GLG1: variants seen among roughly 807,000 people sequenced by gnomAD.
GLG1 encodes Golgi apparatus protein 1.
Under a neutral mutation model 160.5 loss-of-function variants are expected in GLG1, and 38 were observed. The observed-to-expected ratio is 0.24, with a 90% CI of 0.18 to 0.31. The LOEUF (loss-of-function observed/expected upper bound fraction) is 0.31, where lower values mean the gene tolerates loss of function less well. Among genes scored for constraint, GLG1 ranks in the 10% least tolerant of loss-of-function variants. The pLI is 1.00. For synonymous variants in GLG1, 644 were observed against 543.4 expected (o/e 1.19, Z -2.57); for missense variants, 1,373 against 1,505.2 (o/e 0.91, Z 1.45).
At chr16:74,581,708 C>T (rs1957941505) in intron 1 of GLG1, among the ~76,000 whole-genome samples, 3 of 151,838 alleles carry the variant, frequency 2.0e-5, no homozygotes, top group Admixed American at 2.0e-4. Context: ...GTCAGGAGTT[C>T]GAGACCAGCC....
intron 19 of GLG1, 126 bp from the exon 20 acceptor site, chr16:74,463,605 T>C (rs2014886117): frequency 2.3e-6 from 2 of 874,868 alleles, no homozygotes; most frequent in Non-Finnish European, 3.6e-6. Flanking sequence ...AGTGGCGCAA[T>C]TCGGCTTACT....
intron 1 of GLG1, among the ~76,000 whole-genome samples, chr16:74,603,105 C>T (rs1958481196): frequency 6.6e-6 from 1 of 151,168 alleles, no homozygotes; most frequent in Non-Finnish European, 1.5e-5. Context: ...ACAACAACAA[C>T]AACAACAGCA....
At chr16:74,477,651 TTATA>T in intron 11 of GLG1, 118 bp from the exon 12 acceptor site, 3 of 714,032 alleles carry the variant, frequency 4.2e-6, no homozygotes, top group African/African-American at 1.8e-5. Flanking sequence ...CTCCCAAATT[TTATA>T]CCTCAAATAT....
At chr16:74,586,468 G>A (rs1958055467) in intron 1 of GLG1, among the ~76,000 whole-genome samples, 1 of 151,872 alleles carries the variant, frequency 6.6e-6, no homozygotes, top group East Asian at 1.9e-4. Flanking sequence ...TTTCCATTGG[G>A]CAATGGAAAG....
At chr16:74,494,723 CAAAT>C (rs766431837) in intron 6 of GLG1, 33 bp downstream of exon 6, 70 of 981,836 alleles carry the variant, frequency 7.1e-5, no homozygotes, top group South Asian at 1.1e-4. Context: ...TTTTAAAAAA[CAAAT>C]AAAACATTCA....
chr16:74,505,556 C>T (rs560130099), intron 3 of GLG1, among the ~76,000 whole-genome samples: 4 of 152,120 alleles, frequency 2.6e-5, no homozygotes, highest in African/African-American at 9.6e-5. Context: ...CCCATCTCTA[C>T]TAAAAATACA....
intron 25 of GLG1, 145 bp downstream of exon 25, chr16:74,456,504 G>C: frequency 1.5e-6 from 1 of 654,930 alleles, no homozygotes; most frequent in Non-Finnish European, 2.7e-6. Context: ...TCACAATAAG[G>C]ACAAGACCAG....
intron 1 of GLG1, among the ~76,000 whole-genome samples, chr16:74,601,793 T>C (rs191733758): frequency 7.1e-4 from 108 of 152,318 alleles, no homozygotes; most frequent in African/African-American, 2.3e-3. Context: ...CATACATTTA[T>C]AAACCTATGG....
rs569373775 is a variant in GLG1, at chr16:74,461,857, G to C, written c.3036+237C>G. The C allele has an allele frequency of 4.9e-4, 201 of 412,158 alleles. 1 individual carries two copies. The highest frequency in any genetic ancestry group is 4.0e-3 in the African/African-American group (192 of 48,228). The allele number at this position is 412,158 out of a possible 1,614,324, so 25.5% of individuals were successfully genotyped here. ...GAACAAATTTACAGAGAGCTATAAT[G>C]AAAGAACACCCTTGTTCAACAGAGA... On this transcript the variant is annotated intron_variant, in intron 22 of 25. Transcript: ENST00000422840.
At chr16:74,510,383 C>T (rs982708116) in intron 2 of GLG1, among the ~76,000 whole-genome samples, 1 of 152,166 alleles carries the variant, frequency 6.6e-6, no homozygotes, top group African/African-American at 2.4e-5. Context: ...TAGAAAATAT[C>T]TAAAGCCTAT....
chr16:74,499,345 A>G (rs965369522), intron 4 of GLG1, among the ~76,000 whole-genome samples: 1 of 152,158 alleles, frequency 6.6e-6, no homozygotes, highest in African/African-American at 2.4e-5. Flanking sequence ...GGCTCAAGTG[A>G]TTCTCCTGAC....
chr16:74,522,952 G>A (rs181712434), intron 2 of GLG1, among the ~76,000 whole-genome samples: 2 of 152,272 alleles, frequency 1.3e-5, no homozygotes, highest in African/African-American at 4.8e-5. Flanking sequence ...CCAAAGTGCT[G>A]GGATTACAGG....
chr16:74,451,551 C>T lies in GLG1; in HGVS notation c.*1616G>A. 5.9e-6 allele frequency: 1 copy of T among 169,884 alleles called. No homozygotes were observed. The highest frequency in any genetic ancestry group is 2.4e-5 in the African/African-American group (1 of 42,072). The allele number at this position is 169,884 out of a possible 1,614,324, so 10.5% of individuals were successfully genotyped here. ...GGTCCTGCAGTGCACGTGGACTGTG[C>T]AGAGCAGAGGCAAGAGTGGGGGGCG... On this transcript the variant is annotated 3_prime_UTR_variant, in exon 26 of 26. Transcript: ENST00000422840.
chr16:74,579,381 A>C (rs1957886605), intron 1 of GLG1, among the ~76,000 whole-genome samples: 1 of 151,804 alleles, frequency 6.6e-6, no homozygotes, highest in African/African-American at 2.4e-5. Context: ...GTGCCAGTGC[A>C]CTCCAGGCTG....
At chr16:74,524,459 G>A (rs184262106) in intron 2 of GLG1, among the ~76,000 whole-genome samples, 61 of 151,694 alleles carry the variant, frequency 4.0e-4, no homozygotes, top group Non-Finnish European at 8.2e-4. Flanking sequence ...GCTAAAATTG[G>A]AAATTTGAAT....
intron 2 of GLG1, among the ~76,000 whole-genome samples, chr16:74,517,617 G>C (rs75213295): frequency 6.6e-6 from 1 of 152,132 alleles, no homozygotes; most frequent in East Asian, 1.9e-4. Context: ...AAAACTAGAA[G>C]CATTCCCTTT....
At position 74,462,547 on chromosome 16, in the gene GLG1, C is replaced by A; in HGVS notation, c.2875G>T (p.Asp959Tyr). ...ACTTGTCCTTCTAATTCTGAATCAT[C>A]CTTGGCCTTAGTCAGGATACCGTGA... The part of the protein sequence containing the change: ...FCHGILTKAK[D>Y]DSELEGQVIS... The change falls in exon 21 of 26, where the codon GAT becomes TAT. Residue 959 changes from aspartate to tyrosine, a missense_variant. By Grantham distance (160) the Asp-to-Tyr change is radical (BLOSUM62 -3). Around this residue, in one of 4 missense-constraint regions of GLG1, gnomAD observed 491 missense variants for 632.1 expected, o/e 0.78. Coordinates refer to ENST00000422840, the MANE Select transcript of GLG1 (RefSeq NM_001145667.2). The A allele has an allele frequency of 1.2e-6, 2 of 1,613,876 alleles. No individual in the cohort carries two copies. The highest frequency in any genetic ancestry group is 1.1e-5 in the South Asian group (1 of 91,082).
At chr16:74,498,472 T>TAATA (rs1361056131) in intron 4 of GLG1, among the ~76,000 whole-genome samples, 1 of 30,746 alleles carries the variant, frequency 3.3e-5, no homozygotes, top group Non-Finnish European at 7.6e-5. Flanking sequence ...ATATATTATA[T>TAATA]TTTATATATA....
At chr16:74,573,025 T>C (rs2018879977) in intron 1 of GLG1, among the ~76,000 whole-genome samples, 4 of 152,078 alleles carry the variant, frequency 2.6e-5, no homozygotes, top group Admixed American at 1.3e-4. Flanking sequence ...TGGTTGTTGG[T>C]GGGGGTAAAA....
Sources: gnomAD v4.1 joint callset for allele counts (sites outside exome capture counted in the v4.1 genomes callset) on GRCh38, gnomAD v4.1.1 for gene constraint, gnomAD v4.1.1 regional missense constraint, MANE v1.5 for transcripts, NCBI Gene and HGNC (gene_info 2026-07-23, HGNC 2026-07-21) for gene names.